The following CILK1 variants were observed in gnomAD, a reference collection of about 807,000 sequenced individuals.
CILK1 encodes the protein serine/threonine-protein kinase ICK.
CILK1 carries 47 observed loss-of-function variants against 79.2 expected under a neutral mutation model. That is an observed-to-expected ratio of 0.59 (90% CI 0.47 to 0.76). The LOEUF (loss-of-function observed/expected upper bound fraction) is 0.76, where lower values mean the gene tolerates loss of function less well. CILK1 is among the 30% of genes least tolerant of loss of function. The pLI is 0.00. For missense variants in CILK1, 660 were observed against 769.5 expected, an observed-to-expected ratio of 0.86 and a Z score of 1.68; for synonymous variants, 266 against 275.9, an observed-to-expected ratio of 0.96 and a Z score of 0.36.
rs1425818758 is a variant in CILK1, at chr6:53,003,672, AG to A, written c.*1476del. 2 of 152,152 alleles carry A rather than the reference AG, an allele frequency of 1.3e-5. No homozygotes were observed. The highest frequency in any genetic ancestry group is 1.5e-5 in the Non-Finnish European group (1 of 68,054). 9.4% of individuals were successfully genotyped at this position (152,152 alleles called of 1,614,324 possible). The stretch of plus-strand genomic sequence containing the variant: ...GGGAGGCAGAGGTTGCAGAGAGCTA[AG>A]ATCGCGCCACTGCACTCCAGCCTGG... On this transcript the variant is annotated 3_prime_UTR_variant, in exon 14 of 14. Transcript: ENST00000676107.
rs750809161 is a variant in CILK1 at position 53,016,176 on chromosome 6, T to C, written c.738A>G (p.Leu246=). The C allele has an allele frequency of 2.5e-6, 4 of 1,614,118 alleles. No homozygotes were observed. Among genetic ancestry groups the C allele is most frequent in the Non-Finnish European group, 1.7e-6 (2 of 1,179,968 alleles). The change falls in exon 8 of 14, where the codon TTA becomes TTG. Residue 246 remains leucine (L), a synonymous_variant. Coordinates refer to ENST00000676107, the MANE Select transcript of CILK1 (RefSeq NM_014920.5). ...TGCTAGCATTGGGAATCAAGGTCTT[T>C]AAGTTATTGGGTACACACTGTGGCC... ...FRWPQCVPNN[L]KTLIPNASSE... is the part of the protein sequence containing the mutation.
chr6:53,004,788 G>A lies in CILK1; in HGVS notation c.*361C>T. 1 of 216,648 alleles carries A rather than the reference G, an allele frequency of 4.6e-6. No homozygotes were observed. Among genetic ancestry groups the A allele is most frequent in the Non-Finnish European group, 9.4e-6 (1 of 106,730 alleles). 13.4% of individuals were successfully genotyped at this position (216,648 alleles called of 1,614,324 possible). A position where few individuals can be genotyped will look rare whatever the true frequency, so the allele number is the denominator to read the frequency against. ...AATATTATTACATTTTTCAAAATCT[G>A]TAGAAAATATTATCTGGAACCCCAA... On this transcript the variant is annotated 3_prime_UTR_variant, in exon 14 of 14. Transcript: ENST00000676107.
chr6:53,031,635 A>G (rs1268516817), intron 4 of CILK1, among the ~76,000 whole-genome samples: 1 of 152,192 alleles, frequency 6.6e-6, no homozygotes, highest in Non-Finnish European at 1.5e-5. Flanking sequence ...TAAATTTCTT[A>G]TTAGCCTCCT....
intron 1 of CILK1, among the ~76,000 whole-genome samples, chr6:53,061,351 A>G (rs964409657): frequency 1.4e-4 from 21 of 152,246 alleles, no homozygotes; most frequent in African/African-American, 5.1e-4. Context: ...CAAATTAGCT[A>G]GGGTCTTCCC....
chr6:53,060,165 A>C (rs576406236), intron 1 of CILK1, among the ~76,000 whole-genome samples: 49 of 152,360 alleles, frequency 3.2e-4, no homozygotes, highest in African/African-American at 1.1e-3. Flanking sequence ...GGCTCTGATG[A>C]TGTTGAACAG....
intron 1 of CILK1, among the ~76,000 whole-genome samples, chr6:53,059,243 C>T (rs945073684): frequency 2.6e-5 from 4 of 152,170 alleles, no homozygotes; most frequent in African/African-American, 4.8e-5. Context: ...AGCATTTTCC[C>T]TATTTTGCAC....
chr6:53,029,851 A>C (rs896182507), intron 5 of CILK1, among the ~76,000 whole-genome samples: 1 of 152,200 alleles, frequency 6.6e-6, no homozygotes, highest in Non-Finnish European at 1.5e-5. Context: ...ACTGAGAGTA[A>C]ATGGATTTCT....
At chr6:53,043,500 T>A (rs975731348) in intron 1 of CILK1, among the ~76,000 whole-genome samples, 1 of 152,072 alleles carries the variant, frequency 6.6e-6, no homozygotes, top group African/African-American at 2.4e-5. Flanking sequence ...CACCCTCAGC[T>A]CATTCCCTTT....
intron 5 of CILK1, among the ~76,000 whole-genome samples, chr6:53,026,769 C>T (rs559328757): frequency 9.2e-5 from 14 of 152,274 alleles, no homozygotes; most frequent in East Asian, 3.9e-4. Context: ...TCAGAGATCA[C>T]GCAACAGCAA....
In CILK1 at chr6:53,004,510, G is replaced by C. The variant is rs1248571697; in HGVS notation, c.*639C>G. 1.3e-5 allele frequency: 2 copies of C among 152,156 alleles called. No individual in the cohort carries two copies. The highest frequency in any genetic ancestry group is 2.4e-5 in the African/African-American group (1 of 41,386). 9.4% of individuals were successfully genotyped at this position (152,156 alleles called of 1,614,324 possible). The stretch of plus-strand genomic sequence containing the variant: ...TATTTACTTAGAGTTCTTTCATCTG[G>C]GGAACAAAAGTAAAACAAAGTGAAT... On this transcript the variant is annotated 3_prime_UTR_variant, in exon 14 of 14. Coordinates refer to ENST00000676107, the MANE Select transcript of CILK1 (RefSeq NM_014920.5).
intron 5 of CILK1, among the ~76,000 whole-genome samples, chr6:53,027,642 C>T (rs575175969): frequency 7.9e-5 from 12 of 152,272 alleles, no homozygotes; most frequent in Middle Eastern, 3.4e-3. Flanking sequence ...TAGAGGTACA[C>T]GTGCACTTAA....
intron 5 of CILK1, among the ~76,000 whole-genome samples, chr6:53,026,029 T>G (rs1394192048): frequency 6.6e-6 from 1 of 152,254 alleles, no homozygotes; most frequent in Admixed American, 6.5e-5. Context: ...TGTTACTCAC[T>G]GGCTGAAAAG....
chr6:53,056,901 AG>A (rs1442017901), intron 1 of CILK1, among the ~76,000 whole-genome samples: 5 of 152,216 alleles, frequency 3.3e-5, no homozygotes, highest in Non-Finnish European at 7.3e-5. Flanking sequence ...TACTGGGACT[AG>A]GGTACCAAAA....
chr6:53,056,442 A>G lies in CILK1; in HGVS notation c.-173+5154T>C, dbSNP rs551402325. Among the ~76,000 whole-genome samples, 5 of 152,306 alleles carry G rather than the reference A, an allele frequency of 3.3e-5. No individual in the cohort carries two copies. The South Asian group carries it at 1.0e-3, about 32-fold the overall frequency. ...AAGCAGTCAAAGACAATATGTAAAT[A>G]CATGGGCATGGCTGTGTTCCAGTAC... is the stretch of plus-strand genomic sequence containing the variant. On this transcript the variant is annotated intron_variant, in intron 1 of 13. Coordinates refer to ENST00000676107, the MANE Select transcript of CILK1 (RefSeq NM_014920.5).
intron 3 of CILK1, among the ~76,000 whole-genome samples, chr6:53,035,816 G>A (rs1238947896): frequency 2.0e-5 from 3 of 152,162 alleles, no homozygotes; most frequent in Admixed American, 6.5e-5. Flanking sequence ...AGGCACAAAA[G>A]AAGGACCTCA....
chr6:53,045,713 T>C (rs1767025995), intron 1 of CILK1, among the ~76,000 whole-genome samples: 1 of 150,220 alleles, frequency 6.7e-6, no homozygotes. Context: ...GACACATCTG[T>C]GTATGAATCC....
intron 1 of CILK1, among the ~76,000 whole-genome samples, chr6:53,054,084 C>T (rs951147716): frequency 3.3e-5 from 5 of 152,178 alleles, no homozygotes; most frequent in Admixed American, 3.3e-4. Flanking sequence ...ACCCTGTATG[C>T]TACACACCTT....
Position 53,014,074 on chromosome 6 carries a change from T to G in CILK1, c.832-92A>C, listed in dbSNP as rs1039489801. On this transcript the variant is annotated intron_variant, in intron 8 of 13. Coordinates refer to ENST00000676107, the MANE Select transcript of CILK1 (RefSeq NM_014920.5). Reference sequence around the variant, plus strand: ...GGGCTATATTTCATTGTGACCAGTTTACTACTGTTTCTTAGCCCAATTAGA... The same window carrying G: ...GGGCTATATTTCATTGTGACCAGTTGACTACTGTTTCTTAGCCCAATTAGA... The G allele has an allele frequency of 3.0e-6, 3 of 1,011,254 alleles. No homozygotes were observed. In the African/African-American group the frequency reaches 4.8e-5, roughly 16 times the overall value. The allele number at this position is 1,011,254 out of a possible 1,614,324, so 62.6% of individuals were successfully genotyped here. A position where few individuals can be genotyped will look rare whatever the true frequency, so the allele number is the denominator to read the frequency against.
intron 1 of CILK1, among the ~76,000 whole-genome samples, chr6:53,053,052 G>GAAAAAAA (rs11413920): frequency 7.0e-6 from 1 of 143,078 alleles, no homozygotes; most frequent in Non-Finnish European, 1.5e-5. Context: ...GTAAAAGCCT[G>GAAAAAAA]AAAAAAAAAA....
Sources: allele counts gnomAD v4.1 joint callset (sites outside exome capture counted in the v4.1 genomes callset), GRCh38; gene constraint gnomAD v4.1.1; transcripts MANE v1.5; gene names NCBI Gene and HGNC (gene_info 2026-07-23, HGNC 2026-07-21).